Variants in DOCK8 observed in about 807,000 individuals in gnomAD.
DOCK8 encodes the protein dedicator of cytokinesis protein 8.
Under a neutral mutation model 245.6 loss-of-function variants are expected in DOCK8, and 141 were observed. The ratio of observed to expected loss-of-function variants is 0.57; its 90% CI spans 0.50 to 0.66. The LOEUF is 0.66. Ranked by LOEUF, DOCK8 falls within the 30% of genes least tolerant of loss-of-function variation. The pLI is 0.00. For missense variants in DOCK8, 2,965 were observed against 2,603.4 expected (o/e 1.14, Z -3.02); for synonymous variants, 1,168 against 970.2 (o/e 1.20, Z -3.79).
intron 8 of DOCK8, among the ~76,000 whole-genome samples, chr9:326,559 G>A (rs949753183): frequency 4.6e-5 from 7 of 152,194 alleles, no homozygotes; most frequent in African/African-American, 1.2e-4. Context: ...GTCCCCTGCT[G>A]ATGCTGAAGC....
chr9:255,691 AAAC>A (rs2047756005), intron 1 of DOCK8, among the ~76,000 whole-genome samples: 1 of 149,002 alleles, frequency 6.7e-6, no homozygotes, highest in Non-Finnish European at 1.5e-5. Flanking sequence ...AAAAAAAAAA[AAAC>A]AGCTCAAATA....
At chr9:215,142 G>T in intron 1 of DOCK8, 113 bp downstream of exon 1, 2 of 1,465,620 alleles carry the variant, frequency 1.4e-6, no homozygotes, top group Non-Finnish European at 8.9e-7. Flanking sequence ...TCCGCGGCGG[G>T]GCGCGCCTGA....
intron 1 of DOCK8, among the ~76,000 whole-genome samples, chr9:241,997 C>T (rs147378957): frequency 7.2e-4 from 110 of 152,296 alleles, no homozygotes; most frequent in African/African-American, 2.6e-3. Flanking sequence ...AGAAGAGCAG[C>T]TTAAGCCTTC....
rs1421118790 is a variant in DOCK8 at position 418,198 on chromosome 9, G to A, written c.3831G>A (p.Leu1277=). The change falls in exon 30 of 48, where the codon CTG becomes CTA. Residue 1277 remains leucine (L), a synonymous_variant. Coordinates refer to ENST00000432829, the MANE Select transcript of DOCK8 (RefSeq NM_203447.4). ...ATTTGAAAACAAGTGGAATAGTGCT[G>A]TCTTCCTTGGTATGTTGGTGCACAT... The part of the protein sequence containing the change: ...NFNLKTSGIV[L]SSLPYKQYNM... The A allele has an allele frequency of 3.1e-6, 5 of 1,614,198 alleles. No individual in the cohort carries two copies. The highest frequency in any genetic ancestry group is 4.2e-6 in the Non-Finnish European group (5 of 1,180,024).
At position 441,967 on chromosome 9, in the gene DOCK8, G is replaced by A. The variant is rs760961593; in HGVS notation, c.5448G>A (p.Glu1816=). 4 of 1,614,062 alleles carry A rather than the reference G, an allele frequency of 2.5e-6. No homozygotes were observed. The East Asian group carries it at 8.9e-5, about 36-fold the overall frequency. The change falls in exon 42 of 48, where the codon GAG becomes GAA. Residue 1816 remains glutamate (E), a synonymous_variant. Transcript: ENST00000432829. ...DLDEQEFVYK[E]PAITKLPEIS... ...ATGAACAGGAGTTTGTCTACAAAGA[G>A]CCTGCAATTACCAAGCTTCCTGAGA...
At chr9:216,629 T>A (rs2046761402) in intron 1 of DOCK8, among the ~76,000 whole-genome samples, 1 of 151,770 alleles carries the variant, frequency 6.6e-6, no homozygotes, top group Non-Finnish European at 1.5e-5. Flanking sequence ...TCATAGCTGT[T>A]GCATGCCAGG....
At chr9:317,769 A>C (rs1250408872) in intron 7 of DOCK8, among the ~76,000 whole-genome samples, 1 of 152,174 alleles carries the variant, frequency 6.6e-6, no homozygotes, top group Non-Finnish European at 1.5e-5. Context: ...ATTTTTGTCA[A>C]CTGTCTTTTC....
intron 9 of DOCK8, among the ~76,000 whole-genome samples, chr9:330,184 T>C (rs970262531): frequency 2.0e-5 from 3 of 152,244 alleles, no homozygotes; most frequent in African/African-American, 7.2e-5. Flanking sequence ...AAAAGTTTAA[T>C]TCAAGATTTT....
At chr9:311,771 G>C (rs1273134126) in intron 5 of DOCK8, among the ~76,000 whole-genome samples, 183 bp from the exon 6 acceptor site, 1 of 152,178 alleles carries the variant, frequency 6.6e-6, no homozygotes, top group Non-Finnish European at 1.5e-5. Context: ...TTTAATTTTA[G>C]AGTAGTCCAG....
intron 24 of DOCK8, among the ~76,000 whole-genome samples, chr9:394,910 T>C (rs988224213): frequency 1.1e-4 from 16 of 152,210 alleles, no homozygotes; most frequent in African/African-American, 3.9e-4. Flanking sequence ...AGTATGGTAT[T>C]GTGAGAATTA....
At chr9:291,444 C>T (rs1034425352) in intron 4 of DOCK8, among the ~76,000 whole-genome samples, 3 of 152,006 alleles carry the variant, frequency 2.0e-5, no homozygotes, top group Non-Finnish European at 2.9e-5. Flanking sequence ...TATATATTTG[C>T]GTGAAAACTA....
intron 26 of DOCK8, 142 bp from the exon 27 acceptor site, chr9:404,776 T>G (rs1368909281): frequency 1.2e-6 from 1 of 855,864 alleles, no homozygotes; most frequent in Non-Finnish European, 1.9e-6. Flanking sequence ...ATGCAGAATT[T>G]ACCATCTGTT....
At chr9:342,874 C>A (rs149570404) in intron 14 of DOCK8, among the ~76,000 whole-genome samples, 3 of 152,176 alleles carry the variant, frequency 2.0e-5, no homozygotes, top group African/African-American at 4.8e-5. Context: ...TCAGCTCTTA[C>A]AAACACTATG....
intron 14 of DOCK8, among the ~76,000 whole-genome samples, chr9:364,526 A>G (rs2131149611): frequency 6.6e-6 from 1 of 150,684 alleles, no homozygotes; most frequent in Non-Finnish European, 1.5e-5. Flanking sequence ...TCTAGCTACT[A>G]GGGAGGCTGA....
rs1407701540 is a variant in DOCK8, at chr9:441,213, A to T, written c.5224-73A>T. On this transcript the variant is annotated intron_variant, in intron 40 of 47. Coordinates refer to ENST00000432829, the MANE Select transcript of DOCK8 (RefSeq NM_203447.4). ...TCACTCTCCAGCACATTGTTTGGAC[A>T]ATGACCTCTGGTTGCTCTTCTTAAG... 37 of 1,595,300 alleles carry T rather than the reference A, an allele frequency of 2.3e-5. 1 individual carries two copies.
chr9:274,685 G>T (rs2048277350), intron 2 of DOCK8, among the ~76,000 whole-genome samples: 1 of 151,998 alleles, frequency 6.6e-6, no homozygotes, highest in Non-Finnish European at 1.5e-5. Flanking sequence ...TCTTTTCATG[G>T]AAAGATAATG....
At chr9:410,013 A>C (rs976749101) in intron 28 of DOCK8, among the ~76,000 whole-genome samples, 14 of 152,258 alleles carry the variant, frequency 9.2e-5, no homozygotes, top group African/African-American at 2.6e-4. Context: ...AGGATTATAA[A>C]TCATGCTGCT....
At chr9:459,120 G>A (rs924410422) in intron 46 of DOCK8, among the ~76,000 whole-genome samples, 1 of 152,240 alleles carries the variant, frequency 6.6e-6, no homozygotes, top group African/African-American at 2.4e-5. Flanking sequence ...CACTAAGTGA[G>A]AGCAGCACAG....
chr9:456,099 T>TC (rs1430556009), intron 46 of DOCK8: 1 of 152,212 alleles, frequency 6.6e-6, no homozygotes, highest in Non-Finnish European at 1.5e-5. Flanking sequence ...AGATCAGAAG[T>TC]CGTGGGTGAG....
Sources: gnomAD v4.1 joint callset for allele counts (sites outside exome capture counted in the v4.1 genomes callset) on GRCh38, gnomAD v4.1.1 for gene constraint, MANE v1.5 for transcripts, NCBI Gene and HGNC (gene_info 2026-07-23, HGNC 2026-07-21) for gene names.